The following TTLL11 variants were observed in gnomAD, a reference collection of about 807,000 sequenced individuals.
The protein encoded by TTLL11 is tubulin polyglutamylase TTLL11.
In TTLL11, 42 loss-of-function variants were observed where a neutral mutation model predicts 51.7. The ratio of observed to expected loss-of-function variants is 0.81; its 90% CI spans 0.64 to 1.05. The LOEUF is 1.05. Ranked by LOEUF, TTLL11 falls within the 50% of genes least tolerant of loss-of-function variation. The pLI, the probability that TTLL11 is intolerant of heterozygous loss-of-function variation, is 0.00. For synonymous variants in TTLL11, 381 were observed against 383.5 expected (o/e 0.99, Z 0.08); for missense variants, 799 against 940.4 (o/e 0.85, Z 1.97).
intron 6 of TTLL11, among the ~76,000 whole-genome samples, chr9:121,918,417 C>T (rs1017258213): frequency 6.6e-6 from 1 of 152,010 alleles, no homozygotes; most frequent in African/African-American, 2.4e-5. Flanking sequence ...CCTGATGTAC[C>T]CCCAGACTCC....
At position 121,955,738 on chromosome 9, in the gene TTLL11, T is replaced by C. The variant is rs541314726; in HGVS notation, c.1481+18271A>G. 2.6e-5 allele frequency among the ~76,000 whole-genome samples: 4 copies of C among 152,370 alleles called. No homozygotes were observed. In the East Asian group the frequency reaches 7.7e-4, roughly 29 times the overall value. ...CCTCCATTTCCAGCAAGGACATTTA[T>C]AGATCCAAGGACAAACTAAATGGTG... On this transcript the variant is annotated intron_variant, in intron 6 of 8. Transcript: ENST00000321582.
chr9:121,918,809 A>G (rs1339472924), intron 6 of TTLL11, among the ~76,000 whole-genome samples: 1 of 152,266 alleles, frequency 6.6e-6, no homozygotes, highest in Non-Finnish European at 1.5e-5. Context: ...CTTCTGCTAA[A>G]CCCAACAACA....
chr9:121,887,281 T>G (rs1246371509), intron 6 of TTLL11, among the ~76,000 whole-genome samples: 1 of 152,136 alleles, frequency 6.6e-6, no homozygotes, highest in African/African-American at 2.4e-5. Context: ...GCCACAGAGC[T>G]AAAAGCAACA....
chr9:121,993,003 C>T (rs1050976574), intron 3 of TTLL11, among the ~76,000 whole-genome samples: 1 of 152,086 alleles, frequency 6.6e-6, no homozygotes, highest in African/African-American at 2.4e-5. Flanking sequence ...GGATACTATG[C>T]TAAGTGAAAT....
intron 6 of TTLL11, among the ~76,000 whole-genome samples, chr9:121,937,515 A>G: frequency 6.6e-6 from 1 of 152,208 alleles, no homozygotes; most frequent in Admixed American, 6.5e-5. Flanking sequence ...GACAGCAAGC[A>G]CTAATCGTAT....
intron 3 of TTLL11, among the ~76,000 whole-genome samples, chr9:121,998,648 G>C (rs1165964506): frequency 6.6e-6 from 1 of 151,650 alleles, no homozygotes; most frequent in Non-Finnish European, 1.5e-5. Context: ...CAAACAAGGT[G>C]CCCTCCCTCC....
intron 8 of TTLL11, among the ~76,000 whole-genome samples, chr9:121,834,243 AGACTT>A (rs1215564873): frequency 6.6e-6 from 1 of 152,164 alleles, no homozygotes; most frequent in East Asian, 1.9e-4. Flanking sequence ...CGGTTCCCCT[AGACTT>A]GACCACAATC....
At chr9:121,841,563 C>A (rs1010874546) in intron 8 of TTLL11, among the ~76,000 whole-genome samples, 3 of 152,164 alleles carry the variant, frequency 2.0e-5, no homozygotes, top group Non-Finnish European at 4.4e-5. Context: ...GTGGAACAGA[C>A]GAGGTGAGCT....
intron 8 of TTLL11, among the ~76,000 whole-genome samples, chr9:121,828,056 A>T (rs1485623944): frequency 1.3e-5 from 2 of 152,192 alleles, no homozygotes; most frequent in African/African-American, 4.8e-5. Context: ...AGAAAGTGCC[A>T]TAGAGCCCAT....
At chr9:121,942,831 TC>T (rs1841532975) in intron 6 of TTLL11, among the ~76,000 whole-genome samples, 1 of 151,248 alleles carries the variant, frequency 6.6e-6, no homozygotes, top group East Asian at 1.9e-4. Flanking sequence ...CTGATGATTT[TC>T]CCTTTCTCTG....
intron 2 of TTLL11, among the ~76,000 whole-genome samples, chr9:122,034,301 G>C (rs1368178985): frequency 1.3e-5 from 2 of 152,200 alleles, no homozygotes; most frequent in Non-Finnish European, 2.9e-5. Context: ...AGCAAATTCA[G>C]TCAATATTCA....
At chr9:122,078,318 C>A (rs1845911535) in intron 1 of TTLL11, among the ~76,000 whole-genome samples, 1 of 152,068 alleles carries the variant, frequency 6.6e-6, no homozygotes, top group Non-Finnish European at 1.5e-5. Context: ...CTCTAAATGA[C>A]CCAAGGAAGG....
At chr9:121,836,868 T>C (rs1588058296) in intron 8 of TTLL11, among the ~76,000 whole-genome samples, 1 of 152,152 alleles carries the variant, frequency 6.6e-6, no homozygotes, top group East Asian at 1.9e-4. Flanking sequence ...AAAGTGAAGG[T>C]CCTGTTTCCC....
intron 6 of TTLL11, among the ~76,000 whole-genome samples, chr9:121,958,845 G>A (rs1842112541): frequency 1.3e-5 from 2 of 152,140 alleles, no homozygotes; most frequent in South Asian, 4.1e-4. Context: ...GGGAGATGGG[G>A]GCTGTAATGA....
intron 6 of TTLL11, among the ~76,000 whole-genome samples, chr9:121,957,928 G>A (rs540070867): frequency 2.0e-5 from 3 of 152,314 alleles, no homozygotes; most frequent in East Asian, 3.9e-4. Context: ...GGAGGCTAAC[G>A]CTTCAGTTTG....
chr9:121,994,546 C>G (rs1423365148), intron 3 of TTLL11, among the ~76,000 whole-genome samples: 1 of 152,096 alleles, frequency 6.6e-6, no homozygotes, highest in Non-Finnish European at 1.5e-5. Flanking sequence ...ATTACACAGC[C>G]AATAGGTCAC....
Position 121,822,562 on chromosome 9 carries a change from G to A in TTLL11, c.*25C>T, listed in dbSNP as rs763416030. On this transcript the variant is annotated 3_prime_UTR_variant, in exon 9 of 9. Transcript: ENST00000321582. This position sits in a 1 kb window ranked among gnomAD's most constrained non-coding sequence, Gnocchi z 5.8. ...GCCCTGAAAGCTGCTCTCGTCTTCC[G>A]TTTTCCAGGAGGACAGAGTGGCCCT... The A allele has an allele frequency of 2.9e-5, 41 of 1,425,518 alleles. No individual in the cohort carries two copies. Among genetic ancestry groups the A allele is most frequent in the Non-Finnish European group, 3.5e-5 (38 of 1,086,298 alleles). The allele number at this position is 1,425,518 out of a possible 1,614,324, so 88.3% of individuals were successfully genotyped here.
chr9:122,001,157 G>C (rs1033556411), intron 3 of TTLL11, among the ~76,000 whole-genome samples: 2 of 152,174 alleles, frequency 1.3e-5, no homozygotes, highest in Non-Finnish European at 2.9e-5. Context: ...GTGCAATGGC[G>C]TGATCTCGGC....
chr9:121,928,098 C>T (rs1334370223), intron 6 of TTLL11, among the ~76,000 whole-genome samples: 1 of 152,034 alleles, frequency 6.6e-6, no homozygotes, highest in Admixed American at 6.6e-5. Flanking sequence ...GATGGAGAAG[C>T]GTGGGAGGGG....
Sources: gnomAD v4.1 joint callset for allele counts (sites outside exome capture counted in the v4.1 genomes callset) on GRCh38, gnomAD v4.1.1 for gene constraint, Gnocchi (gnomAD v3.1) non-coding constraint, MANE v1.5 for transcripts, NCBI Gene and HGNC (gene_info 2026-07-23, HGNC 2026-07-21) for gene names.